Variants in IGF2BP2 observed in about 807,000 individuals in gnomAD.
The protein encoded by IGF2BP2 is insulin-like growth factor 2 mRNA-binding protein 2.
Under a neutral mutation model 75.8 loss-of-function variants are expected in IGF2BP2, and 17 were observed. The observed-to-expected ratio is 0.22, with a 90% CI of 0.15 to 0.34. The LOEUF is 0.34. Ranked by LOEUF, IGF2BP2 falls within the 10% of genes least tolerant of loss-of-function variation. The pLI is 1.00. For missense variants in IGF2BP2, 516 were observed against 772.4 expected, an observed-to-expected ratio of 0.67 and a Z score of 3.93; for synonymous variants, 288 against 295.6, an observed-to-expected ratio of 0.97 and a Z score of 0.26.
intron 9 of IGF2BP2, among the ~76,000 whole-genome samples, chr3:185,673,998 G>GAC (rs1234766510): frequency 6.6e-6 from 1 of 152,194 alleles, no homozygotes; most frequent in Non-Finnish European, 1.5e-5. Context: ...ATGGGGAGAA[G>GAC]ACACCACTGC....
chr3:185,688,795 TAC>T (rs1721505135), intron 6 of IGF2BP2, among the ~76,000 whole-genome samples: 1 of 152,258 alleles, frequency 6.6e-6, no homozygotes, highest in African/African-American at 2.4e-5. Flanking sequence ...TACATCATGC[TAC>T]AGTCTTAGGA....
chr3:185,768,772 C>T (rs1733450706), intron 2 of IGF2BP2, among the ~76,000 whole-genome samples: 1 of 152,240 alleles, frequency 6.6e-6, no homozygotes, highest in South Asian at 2.1e-4. Context: ...GCTTTTACGC[C>T]TGTCATCCCA....
At chr3:185,739,430 G>A (rs557312587) in intron 2 of IGF2BP2, among the ~76,000 whole-genome samples, 9 of 152,226 alleles carry the variant, frequency 5.9e-5, no homozygotes, top group African/African-American at 1.7e-4. Flanking sequence ...AAATTGTGCC[G>A]TATGGCTCAA....
intron 2 of IGF2BP2, among the ~76,000 whole-genome samples, chr3:185,761,426 C>G (rs1560427913): frequency 6.6e-6 from 1 of 152,204 alleles, no homozygotes; most frequent in Non-Finnish European, 1.5e-5. Flanking sequence ...ATTAATATTA[C>G]TGCATTCACT....
At chr3:185,746,692 TATATC>T (rs1393916074) in intron 2 of IGF2BP2, among the ~76,000 whole-genome samples, 3 of 152,316 alleles carry the variant, frequency 2.0e-5, no homozygotes, top group East Asian at 1.9e-4. Context: ...ACAGGAAACA[TATATC>T]ATATTATGCA....
At chr3:185,745,719 G>GC (rs1730168913) in intron 2 of IGF2BP2, among the ~76,000 whole-genome samples, 1 of 152,214 alleles carries the variant, frequency 6.6e-6, no homozygotes, top group South Asian at 2.1e-4. Context: ...ACTGGCTGCT[G>GC]CAATGAGCGC....
chr3:185,707,780 T>C (rs1724255317), intron 2 of IGF2BP2, among the ~76,000 whole-genome samples: 1 of 152,194 alleles, frequency 6.6e-6, no homozygotes, highest in Non-Finnish European at 1.5e-5. Context: ...ATTATCCTTA[T>C]CAAGGTTTGT....
At chr3:185,686,298 C>T (rs1432091790) in intron 7 of IGF2BP2, among the ~76,000 whole-genome samples, 1 of 151,672 alleles carries the variant, frequency 6.6e-6, no homozygotes, top group Non-Finnish European at 1.5e-5. Context: ...GCAGGAGAAT[C>T]ACTTGAACCC....
intron 7 of IGF2BP2, among the ~76,000 whole-genome samples, chr3:185,677,068 T>TATATAGAGAG: frequency 1.4e-3 from 50 of 35,864 alleles, no homozygotes; most frequent in African/African-American, 2.5e-3. Flanking sequence ...TATATATATA[T>TATATAGAGAG]AGAGAGAGAG....
At position 185,825,002 on chromosome 3, in the gene IGF2BP2, C is replaced by G; in HGVS notation, c.-42G>C. The G allele has an allele frequency of 7.0e-7, 1 of 1,426,598 alleles. No homozygotes were observed. The allele number at this position is 1,426,598 out of a possible 1,614,324, so 88.4% of individuals were successfully genotyped here. A position where few individuals can be genotyped will look rare whatever the true frequency, so the allele number is the denominator to read the frequency against. ...AGCCCGCGGCTCCCCCGGCCCGGTA[C>G]CCGGCGCTCCTCGCCTCCTCCGCTG... is the stretch of plus-strand genomic sequence containing the variant. On this transcript the variant is annotated 5_prime_UTR_variant, in exon 1 of 16. Transcript: ENST00000382199.
At chr3:185,653,998 T>TGCTATAA (rs1715028665) in intron 12 of IGF2BP2, among the ~76,000 whole-genome samples, 1 of 152,192 alleles carries the variant, frequency 6.6e-6, no homozygotes, top group African/African-American at 2.4e-5. Context: ...TCTCAGTGTG[T>TGCTATAA]GCTATAAGCC....
At chr3:185,804,687 A>G (rs2149967985) in intron 2 of IGF2BP2, among the ~76,000 whole-genome samples, 1 of 152,084 alleles carries the variant, frequency 6.6e-6, no homozygotes, top group East Asian at 1.9e-4. Context: ...TGAGGCCTCA[A>G]TGTATTTAAT....
At chr3:185,689,967 C>CAAAAAAAAAAAAAAA (rs5855070) in intron 5 of IGF2BP2, among the ~76,000 whole-genome samples, 14 of 118,210 alleles carry the variant, frequency 1.2e-4, no homozygotes, top group African/African-American at 4.5e-4. Context: ...GACTCCGTCT[C>CAAAAAAAAAAAAAAA]AAAAAAAAAA....
At chr3:185,777,409 T>C (rs1392266278) in intron 2 of IGF2BP2, among the ~76,000 whole-genome samples, 2 of 152,056 alleles carry the variant, frequency 1.3e-5, no homozygotes, top group Non-Finnish European at 2.9e-5. Flanking sequence ...GAGGATGGCT[T>C]GGGCCCAGGA....
intron 2 of IGF2BP2, among the ~76,000 whole-genome samples, chr3:185,708,048 A>C (rs879666397): frequency 6.6e-6 from 1 of 152,196 alleles, no homozygotes; most frequent in Non-Finnish European, 1.5e-5. Context: ...TACTACTGAC[A>C]TTCATGGATG....
At chr3:185,824,741 A>C in intron 1 of IGF2BP2, 42 bp downstream of exon 1, 1 of 1,248,622 alleles carries the variant, frequency 8.0e-7, no homozygotes, top group Non-Finnish European at 1.0e-6. Context: ...TCCCGGCCTG[A>C]GCGGGGCGAG....
intron 10 of IGF2BP2, among the ~76,000 whole-genome samples, chr3:185,669,207 A>T (rs1718136077): frequency 1.3e-5 from 2 of 152,184 alleles, no homozygotes; most frequent in South Asian, 4.1e-4. Flanking sequence ...TATACTATGT[A>T]TCAGCATAGA....
intron 2 of IGF2BP2, chr3:185,713,191 A>C: frequency 2.9e-6 from 1 of 348,608 alleles, no homozygotes; most frequent in Non-Finnish European, 5.7e-6. Flanking sequence ...TACCACTGTC[A>C]TAAACCACCA....
chr3:185,658,354 G>A lies in IGF2BP2; in HGVS notation c.1256C>T (p.Pro419Leu), dbSNP rs778041902. Residue 419 changes from proline to leucine, a missense_variant, in exon 11 of 16, where the codon CCG becomes CTG. Pro to Leu is a moderately conservative substitution (Grantham distance 98). Coordinates refer to ENST00000382199, the MANE Select transcript of IGF2BP2 (RefSeq NM_006548.6). The part of the protein sequence containing the change: ...LYPHHQFGPF[P>L]HHHSYPEQEI... Reference sequence around the variant, plus strand: ...GGGGGCACTTACAGAGTGATGATGCGGGAACGGGCCAAACTGGTGATGGGG... The same window carrying A: ...GGGGGCACTTACAGAGTGATGATGCAGGAACGGGCCAAACTGGTGATGGGG... The A allele has an allele frequency of 7.4e-6, 12 of 1,613,886 alleles. No individual in the cohort carries two copies. Among genetic ancestry groups the A allele is most frequent in the East Asian group, 2.2e-5 (1 of 44,874 alleles).
Sources: gnomAD v4.1 joint callset for allele counts (sites outside exome capture counted in the v4.1 genomes callset) on GRCh38, gnomAD v4.1.1 for gene constraint, MANE v1.5 for transcripts, NCBI Gene and HGNC (gene_info 2026-07-23, HGNC 2026-07-21) for gene names.